The following PRKACB variants were observed in gnomAD, a reference collection of about 807,000 sequenced individuals.
PRKACB encodes cAMP-dependent protein kinase catalytic subunit beta.
In PRKACB, 16 loss-of-function variants were observed where a neutral mutation model predicts 51.4. The observed-to-expected ratio is 0.31, with a 90% CI of 0.21 to 0.47. The LOEUF is 0.47. Ranked by LOEUF, PRKACB falls within the 20% of genes least tolerant of loss-of-function variation. The probability of loss-of-function intolerance (pLI) is 1.00; values close to 1 mark genes in which losing one functional copy is unlikely to be tolerated. For missense variants in PRKACB, 309 were observed against 464.5 expected, an observed-to-expected ratio of 0.67 and a Z score of 3.08; for synonymous variants, 147 against 154.4, an observed-to-expected ratio of 0.95 and a Z score of 0.35.
In PRKACB at chr1:84,122,967, C is replaced by G. The variant is rs143961920; in HGVS notation, c.46+44596C>G. Among the ~76,000 whole-genome samples, 96 of 152,104 alleles carry G rather than the reference C, an allele frequency of 6.3e-4. 2 individuals are homozygous for G. The East Asian group carries it at 0.018, about 29-fold the overall frequency. On this transcript the variant is annotated intron_variant, in intron 1 of 8. Coordinates refer to the PRKACB transcript ENST00000370688. ...AGATTTTTCTGGTATGTATGTGAAG[C>G]CTAAATGGCCCCATTCTGCCACCTT...
chr1:84,211,732 A>G (rs1558293796), intron 8 of PRKACB, among the ~76,000 whole-genome samples: 1 of 152,164 alleles, frequency 6.6e-6, no homozygotes, highest in African/African-American at 2.4e-5. Context: ...TAATTTCTGT[A>G]GGTCTCAATT....
chr1:84,234,452 C>G (rs1676361168), intron 9 of PRKACB, among the ~76,000 whole-genome samples: 1 of 152,238 alleles, frequency 6.6e-6, no homozygotes, highest in Non-Finnish European at 1.5e-5. Context: ...CCAGTTCGAG[C>G]TTCCCAGCTG....
At chr1:84,125,319 C>G (rs1412355070) in intron 1 of PRKACB, among the ~76,000 whole-genome samples, 1 of 152,172 alleles carries the variant, frequency 6.6e-6, no homozygotes, top group Non-Finnish European at 1.5e-5. Context: ...GCTGATCATT[C>G]TCACACGTGA....
chr1:84,174,661 T>C (rs1660635233), intron 1 of PRKACB, among the ~76,000 whole-genome samples: 1 of 151,902 alleles, frequency 6.6e-6, no homozygotes, highest in Non-Finnish European at 1.5e-5. Context: ...GTAATGTCTT[T>C]CCTACAGTAG....
At chr1:84,124,212 T>TGTGGTCAGTACAGTAAC (rs1488591787) in intron 1 of PRKACB, among the ~76,000 whole-genome samples, 1 of 152,186 alleles carries the variant, frequency 6.6e-6, no homozygotes, top group Non-Finnish European at 1.5e-5. Context: ...ATTACTACAA[T>TGTGGTCAGTACAGTAAC]GTGGTCAGTA....
At chr1:84,099,992 G>A (rs949082610) in intron 1 of PRKACB, among the ~76,000 whole-genome samples, 4 of 152,108 alleles carry the variant, frequency 2.6e-5, no homozygotes, top group Non-Finnish European at 4.4e-5. Context: ...TAGATTGTAG[G>A]GAACTTTATA....
chr1:84,205,433 TCTTATATTTGTGGATC>T (rs1671193488), intron 8 of PRKACB: 1 of 234,288 alleles, frequency 4.3e-6, no homozygotes, highest in Non-Finnish European at 7.0e-6. Context: ...TCCAATTTGG[TCTTATATTTGTGGATC>T]CTTATATTTA....
chr1:84,174,532 C>T (rs1357641897), intron 1 of PRKACB, among the ~76,000 whole-genome samples: 1 of 151,890 alleles, frequency 6.6e-6, no homozygotes, highest in Non-Finnish European at 1.5e-5. Context: ...CAGAATCTGA[C>T]ACCACTAAAT....
chr1:84,093,798 T>C (rs1648710002), intron 1 of PRKACB, among the ~76,000 whole-genome samples: 1 of 151,954 alleles, frequency 6.6e-6, no homozygotes, highest in Admixed American at 6.6e-5. Context: ...TAGTGCTTTG[T>C]AATATGCTGT....
chr1:84,125,933 A>G (rs910741695), intron 1 of PRKACB, among the ~76,000 whole-genome samples: 12 of 152,118 alleles, frequency 7.9e-5, no homozygotes, highest in Non-Finnish European at 1.6e-4. Flanking sequence ...GGGACTCACA[A>G]AGGGATTGAC....
At chr1:84,160,862 C>G (rs1017959788) in intron 1 of PRKACB, among the ~76,000 whole-genome samples, 2 of 151,556 alleles carry the variant, frequency 1.3e-5, no homozygotes, top group Admixed American at 1.3e-4. Flanking sequence ...TTTGGCAAAC[C>G]CTTCAAATTA....
intron 9 of PRKACB, among the ~76,000 whole-genome samples, chr1:84,228,029 G>A (rs188261076): frequency 2.5e-4 from 38 of 152,266 alleles, no homozygotes; most frequent in African/African-American, 7.9e-4. Flanking sequence ...CTGGCTAGAC[G>A]TGAAGCAACT....
intron 1 of PRKACB, among the ~76,000 whole-genome samples, chr1:84,110,530 G>A (rs1650143803): frequency 6.6e-6 from 1 of 151,724 alleles, no homozygotes; most frequent in African/African-American, 2.4e-5. Context: ...GTAACACACT[G>A]CTTCCATTTT....
rs535592545 is a variant in PRKACB, at chr1:84,097,516, G to T, written c.46+19145G>T. On this transcript the variant is annotated intron_variant, in intron 1 of 8. Coordinates refer to the PRKACB transcript ENST00000370688. ...AACAGAACCAATAGGAGGGGTGTGT[G>T]TGGGGAGAAAGATTATTTCTATAAT... Among the ~76,000 whole-genome samples, 14 of 152,066 alleles carry T rather than the reference G, an allele frequency of 9.2e-5. No homozygotes were observed. The East Asian group carries it at 2.5e-3, about 27-fold the overall frequency.
Position 84,092,732 on chromosome 1 carries a change from C to T in PRKACB, c.46+14361C>T, listed in dbSNP as rs148497482. Among the ~76,000 whole-genome samples the T allele has an allele frequency of 1.5e-3, 226 of 152,282 alleles. 1 individual carries two copies. The highest frequency in any genetic ancestry group is 5.2e-3 in the African/African-American group (216 of 41,552). On this transcript the variant is annotated intron_variant, in intron 1 of 8. Coordinates refer to the PRKACB transcript ENST00000370688. ...AGTGCTTAGGGTTTTAGTCGCTCCA[C>T]ATCCTTCCCAAACTTGATGTTTTTC...
chr1:84,120,514 A>G (rs1292100636), intron 1 of PRKACB, among the ~76,000 whole-genome samples: 1 of 152,084 alleles, frequency 6.6e-6, no homozygotes, highest in Non-Finnish European at 1.5e-5. Context: ...TATAAAGAAC[A>G]ATAATTGTGT....
chr1:84,103,432 G>C (rs1367526484), intron 1 of PRKACB, among the ~76,000 whole-genome samples: 3 of 151,814 alleles, frequency 2.0e-5, no homozygotes, highest in Non-Finnish European at 4.4e-5. Flanking sequence ...GGGGTGTGGG[G>C]GTGGGGGGTA....
intron 9 of PRKACB, 28 bp downstream of exon 9, chr1:84,214,345 C>T: frequency 6.5e-7 from 1 of 1,526,870 alleles, no homozygotes; most frequent in Admixed American, 2.2e-5. Flanking sequence ...AATTTAAAAG[C>T]TTTTTTAAAG....
chr1:84,191,738 C>T (rs1666851740), intron 5 of PRKACB, among the ~76,000 whole-genome samples: 1 of 151,962 alleles, frequency 6.6e-6, no homozygotes, highest in Non-Finnish European at 1.5e-5. Flanking sequence ...CTATGCTCAC[C>T]ACCTGGATGA....
Sources: allele counts gnomAD v4.1 joint callset (sites outside exome capture counted in the v4.1 genomes callset), GRCh38; gene constraint gnomAD v4.1.1; transcripts MANE v1.5; gene names NCBI Gene and HGNC (gene_info 2026-07-23, HGNC 2026-07-21).